Variants in SETD2 observed in about 807,000 individuals in gnomAD.
The protein encoded by SETD2 is SET domain containing 2, histone lysine methyltransferase, also known as histone-lysine N-methyltransferase SETD2.
A neutral mutation model predicts 242.1 loss-of-function variants in SETD2; 31 were observed. That is an observed-to-expected ratio of 0.13 (90% CI 0.10 to 0.17). SETD2 has a LOEUF of 0.17. Among genes scored for constraint, SETD2 ranks in the 10% least tolerant of loss-of-function variants. SETD2 has a pLI of 1.00. For missense variants in SETD2, 2,481 were observed against 3,046.3 expected (o/e 0.81, Z 4.37); for synonymous variants, 1,006 against 1,066.5 (o/e 0.94, Z 1.11).
At chr3:47,073,184 A>G (rs2040903670) in intron 12 of SETD2, among the ~76,000 whole-genome samples, 1 of 151,820 alleles carries the variant, frequency 6.6e-6, no homozygotes, top group Non-Finnish European at 1.5e-5. Context: ...GTAAACTGTC[A>G]CTTTCATAGC....
chr3:47,118,702 T>C (rs1346306121), intron 3 of SETD2, among the ~76,000 whole-genome samples: 1 of 151,778 alleles, frequency 6.6e-6, no homozygotes. Context: ...TATAAATCCT[T>C]CCCACTGCAA....
intron 15 of SETD2, chr3:47,047,116 G>A (rs1382565626): frequency 6.6e-6 from 1 of 152,300 alleles, no homozygotes; most frequent in Non-Finnish European, 1.5e-5. Context: ...CAAATTTTAA[G>A]CTACCTTTTG....
chr3:47,050,653 G>A (rs1348940245), intron 15 of SETD2, among the ~76,000 whole-genome samples: 3 of 144,324 alleles, frequency 2.1e-5, no homozygotes, highest in Non-Finnish European at 4.5e-5. Context: ...AAAAAAATCC[G>A]AAATACAAAA....
chr3:47,046,822 C>A, intron 15 of SETD2: 1 of 358,682 alleles, frequency 2.8e-6, no homozygotes, highest in Non-Finnish European at 4.9e-6. Context: ...TATTCATTTA[C>A]TTACTTTGAT....
chr3:47,061,256 G>T (rs1392539637), intron 14 of SETD2, among the ~76,000 whole-genome samples: 3 of 151,690 alleles, frequency 2.0e-5, no homozygotes, highest in Non-Finnish European at 4.4e-5. Flanking sequence ...AACAGAAATG[G>T]CCAATACAAA....
intron 2 of SETD2, 104 bp from the exon 3 acceptor site, chr3:47,124,652 A>G (rs895299210): frequency 7.1e-6 from 7 of 986,552 alleles, no homozygotes; most frequent in African/African-American, 1.6e-5. Flanking sequence ...GCCCTTTTTA[A>G]TAACAAATAG....
chr3:47,145,853 C>CA (rs2043838002), intron 1 of SETD2, among the ~76,000 whole-genome samples: 1 of 151,222 alleles, frequency 6.6e-6, no homozygotes, highest in Non-Finnish European at 1.5e-5. Context: ...TCTGTCTCTA[C>CA]AAAAAATAAA....
chr3:47,071,291 C>T (rs1384431604), intron 12 of SETD2, among the ~76,000 whole-genome samples: 1 of 152,174 alleles, frequency 6.6e-6, no homozygotes, highest in Non-Finnish European at 1.5e-5. Flanking sequence ...AATTCATACA[C>T]ACTCAAGCTA....
At chr3:47,120,156 G>A (rs1162501318) in intron 3 of SETD2, 26 bp downstream of exon 3, 2 of 1,466,670 alleles carry the variant, frequency 1.4e-6, no homozygotes, top group Non-Finnish European at 1.8e-6. Context: ...GTTAAAATTT[G>A]TCAAACAAGT....
intron 1 of SETD2, among the ~76,000 whole-genome samples, chr3:47,149,215 G>A (rs944511970): frequency 1.3e-5 from 2 of 152,066 alleles, no homozygotes; most frequent in African/African-American, 4.8e-5. Flanking sequence ...AGTCAGTTTT[G>A]GACAAACTGG....
chr3:47,030,757 G>T lies in SETD2; in HGVS notation c.7350+6909C>A, dbSNP rs145144167. ...TTGAAAGGAAGAAAATATAAATTTA[G>T]AATTCCATATCCAGTGAGAGTATCT... On this transcript the variant is annotated intron_variant, in intron 18 of 20. Transcript: ENST00000409792. Among the ~76,000 whole-genome samples the T allele has an allele frequency of 3.3e-5, 5 of 152,294 alleles. No homozygotes were observed. The East Asian group carries it at 9.6e-4, about 29-fold the overall frequency.
chr3:47,104,436 A>G (rs2042331324), intron 6 of SETD2, among the ~76,000 whole-genome samples: 1 of 152,022 alleles, frequency 6.6e-6, no homozygotes, highest in African/African-American at 2.4e-5. Context: ...GCACCTCAGG[A>G]GACTGAGGTG....
intron 1 of SETD2, among the ~76,000 whole-genome samples, chr3:47,159,927 A>T (rs1575858557): frequency 6.6e-6 from 1 of 150,894 alleles, no homozygotes; most frequent in East Asian, 2.0e-4. Flanking sequence ...GTGAGCCGAG[A>T]TCACACCACT....
In SETD2 at chr3:47,083,479, A is replaced by T. The variant is rs556350371; in HGVS notation, c.6060+241T>A. Among the ~76,000 whole-genome samples the T allele has an allele frequency of 1.2e-4, 18 of 152,328 alleles. No individual in the cohort carries two copies. In the East Asian group the frequency reaches 3.5e-3, roughly 29 times the overall value. On this transcript the variant is annotated intron_variant, in intron 12 of 20. Transcript: ENST00000409792. The stretch of plus-strand genomic sequence containing the variant: ...GAAGAGCACTTAAATGACTGAACTC[A>T]CTATTGTGATGTACTTTTCTAAGTG...
At chr3:47,056,755 CCA>C (rs1456647120) in intron 15 of SETD2, 64 bp downstream of exon 15, 23 of 1,309,972 alleles carry the variant, frequency 1.8e-5, no homozygotes, top group Non-Finnish European at 2.5e-5. Flanking sequence ...CTCCCCTATA[CCA>C]GATTTAACTA....
At chr3:47,140,411 T>G (rs2043699090) in intron 1 of SETD2, among the ~76,000 whole-genome samples, 1 of 152,260 alleles carries the variant, frequency 6.6e-6, no homozygotes, top group South Asian at 2.1e-4. Context: ...CCAGTAATTT[T>G]ACTCATTACT....
At chr3:47,142,715 C>T (rs2043759936) in intron 1 of SETD2, among the ~76,000 whole-genome samples, 1 of 149,788 alleles carries the variant, frequency 6.7e-6, no homozygotes, top group Admixed American at 6.7e-5. Context: ...GTCGGCCAGG[C>T]TGGAGTGCAA....
chr3:47,144,733 C>T (rs1460102911), intron 1 of SETD2, among the ~76,000 whole-genome samples: 1 of 152,088 alleles, frequency 6.6e-6, no homozygotes, highest in Non-Finnish European at 1.5e-5. Flanking sequence ...TTTGGGAGGT[C>T]GAGGCGGGTG....
At chr3:47,061,325 A>G (rs1000657146) in intron 14 of SETD2, among the ~76,000 whole-genome samples, 4 of 152,230 alleles carry the variant, frequency 2.6e-5, no homozygotes, top group Admixed American at 2.6e-4. Context: ...GACCAACAGA[A>G]CAGAATAGAG....
Sources: allele counts gnomAD v4.1 joint callset (sites outside exome capture counted in the v4.1 genomes callset), GRCh38; gene constraint gnomAD v4.1.1; transcripts MANE v1.5; gene names NCBI Gene and HGNC (gene_info 2026-07-23, HGNC 2026-07-21).